CD81: variants seen among roughly 807,000 people sequenced by gnomAD.
The protein encoded by CD81 is CD81 antigen.
A neutral mutation model predicts 30.1 loss-of-function variants in CD81; 10 were observed. That is an observed-to-expected ratio of 0.33 (90% CI 0.21 to 0.56). CD81 has a LOEUF of 0.56. CD81 is among the 20% of genes least tolerant of loss of function. The probability of loss-of-function intolerance (pLI) is 0.89; values close to 1 mark genes in which losing one functional copy is unlikely to be tolerated. For missense variants in CD81, 263 were observed against 308.7 expected (o/e 0.85, Z 1.11); for synonymous variants, 147 against 126.4 (o/e 1.16, Z -1.10).
At position 2,396,052 on chromosome 11, in the gene CD81, G is replaced by A. The variant is rs1241293061; in HGVS notation, c.561+82G>A. On this transcript the variant is annotated intron_variant, in intron 6 of 7. Coordinates refer to ENST00000263645, the MANE Select transcript of CD81 (RefSeq NM_004356.4). ...GGTCCTAGGGGTGGGCAGGTCACAC[G>A]GCAGCCCCACAGGGAGCGACCACAC... 1.8e-4 allele frequency: 166 copies of A among 921,148 alleles called. 1 individual carries two copies. Among genetic ancestry groups the A allele is most frequent in the South Asian group, 4.0e-5 (3 of 75,566 alleles). 57.1% of individuals were successfully genotyped at this position (921,148 alleles called of 1,614,324 possible).
intron 1 of CD81, among the ~76,000 whole-genome samples, chr11:2,380,829 C>T (rs1849692819): frequency 6.6e-6 from 1 of 152,208 alleles, no homozygotes; most frequent in Non-Finnish European, 1.5e-5. Flanking sequence ...GAGGTGTCAC[C>T]AGTCCCCGCA....
At chr11:2,388,162 T>G (rs1849829750) in intron 1 of CD81, among the ~76,000 whole-genome samples, 1 of 152,190 alleles carries the variant, frequency 6.6e-6, no homozygotes, top group Non-Finnish European at 1.5e-5. Flanking sequence ...TCCTCCTGCC[T>G]CAGCCTCCAA....
At chr11:2,394,357 G>A (rs1418935801) in intron 3 of CD81, among the ~76,000 whole-genome samples, 165 bp downstream of exon 3, 3 of 152,192 alleles carry the variant, frequency 2.0e-5, no homozygotes, top group East Asian at 3.9e-4. Context: ...AAATCCCACC[G>A]TGCTTGGTCT....
intron 2 of CD81, chr11:2,393,850 G>GTCCCC: frequency 6.0e-6 from 4 of 671,728 alleles, no homozygotes; most frequent in Non-Finnish European, 1.1e-5. Context: ...GAGCGCTCAT[G>GTCCCC]AGGTGCCCAG....
rs138631483 is a variant in CD81, at chr11:2,395,926, A to G, written c.517A>G (p.Asn173Asp). The G allele has an allele frequency of 8.1e-6, 13 of 1,612,434 alleles. No individual in the cohort carries two copies. In the African/African-American group the frequency reaches 1.5e-4, roughly 18 times the overall value. Residue 173 changes from asparagine to aspartate, a missense_variant, in exon 6 of 8, where the codon AAT becomes GAT. Transcript: ENST00000263645. ...TALTTSVLKN[N>D]LCPSGSNIIS... is the part of the protein sequence containing the mutation. ...TTTGACCACCTCAGTGCTCAAGAAC[A>G]ATTTGTGTCCCTCGGGCAGCAACAT...
chr11:2,385,164 A>G (rs1324724119), intron 1 of CD81, among the ~76,000 whole-genome samples: 1 of 152,150 alleles, frequency 6.6e-6, no homozygotes, highest in East Asian at 1.9e-4. Context: ...CGGGGAGTTC[A>G]GTCATCAGGG....
chr11:2,386,608 TC>T, intron 1 of CD81: 1 of 717,270 alleles, frequency 1.4e-6, no homozygotes, highest in Non-Finnish European at 2.6e-6. Context: ...GCCCCGTTTG[TC>T]CATGCTAGGG....
intron 3 of CD81, 67 bp from the exon 4 acceptor site, chr11:2,394,905 G>T (rs1199524762): frequency 1.4e-6 from 2 of 1,420,212 alleles, no homozygotes; most frequent in African/African-American, 2.8e-5. Context: ...GGGCACCTGG[G>T]TGTGTGTCCT....
chr11:2,396,152 G>A, intron 6 of CD81, 182 bp downstream of exon 6: 1 of 657,044 alleles, frequency 1.5e-6, no homozygotes, highest in Non-Finnish European at 2.8e-6. Context: ...CACGAGGAAG[G>A]CAGGCGCCCT....
At chr11:2,396,026 G>T in intron 6 of CD81, 56 bp downstream of exon 6, 1 of 1,195,200 alleles carries the variant, frequency 8.4e-7, no homozygotes. Flanking sequence ...CCCCTGGGTG[G>T]GGTCCTAGGG....
chr11:2,396,697 G>C lies in CD81; in HGVS notation c.631G>C (p.Val211Leu), dbSNP rs139884987. The C allele has an allele frequency of 6.2e-7, 1 of 1,611,700 alleles. No homozygotes were observed. The highest frequency in any genetic ancestry group is 1.7e-5 in the Admixed American group (1 of 60,032). The change falls in exon 7 of 8, where the codon GTG becomes CTG. Residue 211 changes from valine to leucine, a missense_variant. By Grantham distance (32) the Val-to-Leu change is conservative (BLOSUM62 1). Transcript: ENST00000263645. ...KLYLIGIAAIVVAVIMIFEMI... is the reference protein window; with the variant it reads ...KLYLIGIAAILVAVIMIFEMI... ...GTACCTCATCGGCATTGCTGCCATC[G>C]TGGTCGCTGTGATCATGGTGAGCGG...
rs556178355 is a variant in CD81 at position 2,391,245 on chromosome 11, C to G, written c.181+719C>G. The G allele has an allele frequency of 3.2e-5, 5 of 157,000 alleles. No individual in the cohort carries two copies. In the East Asian group the frequency reaches 9.5e-4, roughly 30 times the overall value. 9.7% of individuals were successfully genotyped at this position (157,000 alleles called of 1,614,324 possible). A position where few individuals can be genotyped will look rare whatever the true frequency, so the allele number is the denominator to read the frequency against. On this transcript the variant is annotated intron_variant, in intron 2 of 7. Transcript: ENST00000263645. ...TGCTTCTGGCCTTGAAAGGAGGCCC[C>G]TGGGATGGCTCTGTTGCCCTCACAG...
At chr11:2,396,325 C>T (rs1850001641) in intron 6 of CD81, 1 of 575,606 alleles carries the variant, frequency 1.7e-6, no homozygotes, top group South Asian at 2.0e-5. Context: ...CCTGCTGAGG[C>T]CTCAGTGGAA....
chr11:2,388,088 C>T (rs895281945), intron 1 of CD81, among the ~76,000 whole-genome samples: 3 of 152,160 alleles, frequency 2.0e-5, no homozygotes, highest in African/African-American at 7.2e-5. Flanking sequence ...GCTCTGTCAC[C>T]GAGGCTGGAG....
At chr11:2,396,184 G>A (rs1849999098) in intron 6 of CD81, 1 of 618,854 alleles carries the variant, frequency 1.6e-6, no homozygotes, top group South Asian at 1.8e-5. Context: ...TCCGGGTGAA[G>A]AAGGTGGAGG....
At chr11:2,388,610 C>T (rs770921783) in intron 1 of CD81, among the ~76,000 whole-genome samples, 1 of 152,232 alleles carries the variant, frequency 6.6e-6, no homozygotes, top group East Asian at 1.9e-4. Context: ...GGCAAGGCCT[C>T]AGCTGCTGGG....
At chr11:2,386,511 T>C in intron 1 of CD81, 3 of 713,586 alleles carry the variant, frequency 4.2e-6, no homozygotes, top group Non-Finnish European at 5.2e-6. Flanking sequence ...CGTTTCCTCA[T>C]CCAGAAACCG....
chr11:2,386,029 G>C lies in CD81; in HGVS notation c.67-4383G>C. On this transcript the variant is annotated intron_variant, in intron 1 of 7. Transcript: ENST00000263645. ...GTGGCTGGACCGTTTTACAGCCCCC[G>C]TTGTATGCGTCCCAGTTGCCTCCCC... The C allele has an allele frequency of 4.2e-6, 3 of 716,958 alleles. No homozygotes were observed. The East Asian group carries it at 8.0e-5, about 19-fold the overall frequency. The allele number at this position is 716,958 out of a possible 1,614,324, so 44.4% of individuals were successfully genotyped here. A position where few individuals can be genotyped will look rare whatever the true frequency, so the allele number is the denominator to read the frequency against.
intron 1 of CD81, chr11:2,385,881 G>A (rs1295738170): frequency 1.5e-6 from 1 of 649,066 alleles, no homozygotes; most frequent in Non-Finnish European, 2.9e-6. Flanking sequence ...TACAAGTCTT[G>A]TGTGAACCTA....
Sources: gnomAD v4.1 joint callset for allele counts (sites outside exome capture counted in the v4.1 genomes callset) on GRCh38, gnomAD v4.1.1 for gene constraint, MANE v1.5 for transcripts, NCBI Gene and HGNC (gene_info 2026-07-23, HGNC 2026-07-21) for gene names.